ATP5MG: variants seen among roughly 807,000 people sequenced by gnomAD.
The protein encoded by ATP5MG is ATP synthase membrane subunit g.
A neutral mutation model predicts 12.7 loss-of-function variants in ATP5MG; 7 were observed. That is an observed-to-expected ratio of 0.55 (90% CI 0.31 to 1.04). ATP5MG has a LOEUF of 1.04. Among genes scored for constraint, ATP5MG ranks in the 50% least tolerant of loss-of-function variants. The pLI, the probability that ATP5MG is intolerant of heterozygous loss-of-function variation, is 0.05. For synonymous variants in ATP5MG, 53 were observed against 48.2 expected, an observed-to-expected ratio of 1.10 and a Z score of -0.41; for missense variants, 116 against 126.7, an observed-to-expected ratio of 0.92 and a Z score of 0.41.
chr11:118,401,759 C>T, intron 1 of ATP5MG, 42 bp downstream of exon 1: 1 of 1,602,496 alleles, frequency 6.2e-7, no homozygotes, highest in South Asian at 1.1e-5. Context: ...ACACGGGCGG[C>T]AGGGAGGCCT....
rs782433942 is a variant in ATP5MG, at chr11:118,409,104, A to G, written c.*6A>G. The G allele has an allele frequency of 6.3e-6, 10 of 1,575,260 alleles. No individual in the cohort carries two copies. The highest frequency in any genetic ancestry group is 8.7e-7 in the Non-Finnish European group (1 of 1,153,668). On this transcript the variant is annotated 3_prime_UTR_variant, in exon 3 of 3. Transcript: ENST00000300688. ...TCATTGGCTATGATGTTTGAAGACC[A>G]ATCTTTAACATCTGATTATATTTGA...
rs782644885 is a variant in ATP5MG, at chr11:118,406,907, T to C, written c.53-30T>C. The C allele has an allele frequency of 6.4e-6, 10 of 1,562,114 alleles. No individual in the cohort carries two copies. The Admixed American group carries it at 1.7e-4, about 27-fold the overall frequency. On this transcript the variant is annotated intron_variant, in intron 1 of 2. Transcript: ENST00000300688. The stretch of plus-strand genomic sequence containing the variant: ...TCGGTCTCTAGTGAGTTCATCCTGG[T>C]TTTTTGTTTTGTTTTGTTTTGTTTT...
At chr11:118,402,782 C>G (rs1377647410) in intron 1 of ATP5MG, among the ~76,000 whole-genome samples, 1 of 151,024 alleles carries the variant, frequency 6.6e-6, no homozygotes. Context: ...TCACTGCAGC[C>G]TCCACCTCCT....
chr11:118,408,406 A>G (rs1948990657), intron 2 of ATP5MG, among the ~76,000 whole-genome samples: 1 of 152,222 alleles, frequency 6.6e-6, no homozygotes, highest in African/African-American at 2.4e-5. Context: ...TAGAATTTCA[A>G]GATCCATATT....
rs1382205795 is a variant in ATP5MG, at chr11:118,408,981, T to C, written c.214-19T>C. On this transcript the variant is annotated intron_variant, in intron 2 of 2. Transcript: ENST00000300688. ...TATATATATAAAAGGTACCTTAAAA[T>C]GTATGCTTCTTTTTTCAGGAAGCTG... 1 of 1,411,614 alleles carries C rather than the reference T, an allele frequency of 7.1e-7. No individual in the cohort carries two copies. Among genetic ancestry groups the C allele is most frequent in the Non-Finnish European group, 9.7e-7 (1 of 1,027,230 alleles). The allele number at this position is 1,411,614 out of a possible 1,614,324, so 87.4% of individuals were successfully genotyped here. A position where few individuals can be genotyped will look rare whatever the true frequency, so the allele number is the denominator to read the frequency against.
chr11:118,409,378 TGGA>T lies in ATP5MG; in HGVS notation c.*281_*283del. 1.1e-5 allele frequency: 2 copies of T among 175,600 alleles called. No homozygotes were observed. The allele number at this position is 175,600 out of a possible 1,614,324, so 10.9% of individuals were successfully genotyped here. ...GGGATAACATTTTAATTTGAAGGTT[TGGA>T]ATATATATATTTAAGCTTTATTTCC... On this transcript the variant is annotated 3_prime_UTR_variant, in exon 3 of 3. Transcript: ENST00000300688.
At position 118,405,681 on chromosome 11, in the gene ATP5MG, A is replaced by C. The variant is rs531498442; in HGVS notation, c.53-1256A>C. The C allele has an allele frequency of 3.0e-6, 3 of 985,218 alleles. No homozygotes were observed. In the East Asian group the frequency reaches 3.4e-4, roughly 112 times the overall value. 61.0% of individuals were successfully genotyped at this position (985,218 alleles called of 1,614,324 possible). On this transcript the variant is annotated intron_variant, in intron 1 of 2. Coordinates refer to ENST00000300688, the MANE Select transcript of ATP5MG (RefSeq NM_006476.5). ...GGCATTGGCAGTTCTGTTTGGAACT[A>C]TCTCTTAGAGCTTTGTGTCTGCTTA... is the stretch of plus-strand genomic sequence containing the variant.
intron 2 of ATP5MG, 86 bp from the exon 3 acceptor site, chr11:118,408,914 G>A: frequency 2.5e-6 from 1 of 404,360 alleles, no homozygotes; most frequent in African/African-American, 2.2e-5. Context: ...CTTAATTCTG[G>A]AAAAGAATAG....
intron 1 of ATP5MG, among the ~76,000 whole-genome samples, chr11:118,403,761 C>T (rs1948949827): frequency 6.7e-6 from 1 of 149,004 alleles, no homozygotes; most frequent in African/African-American, 2.5e-5. Flanking sequence ...CCACTGCACT[C>T]CAGCCTGGCG....
At chr11:118,407,356 T>G in intron 2 of ATP5MG, 1 of 450,888 alleles carries the variant, frequency 2.2e-6, no homozygotes, top group Non-Finnish European at 3.9e-6. Flanking sequence ...TGGGAAATTT[T>G]TTTTCCTTTC....
chr11:118,406,902 C>T (rs558056726), intron 1 of ATP5MG, 35 bp from the exon 2 acceptor site: 1 of 1,557,310 alleles, frequency 6.4e-7, no homozygotes, highest in African/African-American at 1.4e-5. Context: ...GTGAGTTCAT[C>T]CTGGTTTTTT....
intron 1 of ATP5MG, chr11:118,404,016 G>A (rs1948952520): frequency 1.3e-5 from 2 of 152,152 alleles, no homozygotes; most frequent in South Asian, 2.1e-4. Context: ...TATATAATAT[G>A]AACCCTTCCC....
chr11:118,402,696 C>CTTTTTTTTTTTTTTTT (rs782335353), intron 1 of ATP5MG, among the ~76,000 whole-genome samples: 3 of 128,220 alleles, frequency 2.3e-5, no homozygotes, highest in Non-Finnish European at 4.9e-5. Context: ...TTCTTTCTTT[C>CTTTTTTTTTTTTTTTT]TTTTTTTTTT....
intron 2 of ATP5MG, chr11:118,407,377 T>C (rs1948982142): frequency 5.8e-6 from 2 of 346,368 alleles, no homozygotes; most frequent in Non-Finnish European, 1.1e-5. Context: ...CTATATTAGA[T>C]AGTATACTAA....
At chr11:118,401,851 G>A (rs1419316168) in intron 1 of ATP5MG, 134 bp downstream of exon 1, 2 of 1,073,840 alleles carry the variant, frequency 1.9e-6, no homozygotes, top group African/African-American at 3.2e-5. Flanking sequence ...GCAGGTGGAG[G>A]GAGCAGGAAG....
rs556051034 is a variant in ATP5MG at position 118,405,791 on chromosome 11, A to G, written c.53-1146A>G. On this transcript the variant is annotated intron_variant, in intron 1 of 2. Coordinates refer to ENST00000300688, the MANE Select transcript of ATP5MG (RefSeq NM_006476.5). Reference sequence around the variant, plus strand: ...AAATGGAGGCCGTTAATATGAGGAAAACACCAAGAGCCTTGGGTAATCTGT... The same window carrying G: ...AAATGGAGGCCGTTAATATGAGGAAGACACCAAGAGCCTTGGGTAATCTGT... 8.3e-5 allele frequency: 67 copies of G among 802,438 alleles called. 2 individuals carry two copies. In the South Asian group the frequency reaches 3.4e-3, roughly 41 times the overall value. The allele number at this position is 802,438 out of a possible 1,614,324, so 49.7% of individuals were successfully genotyped here.
intron 1 of ATP5MG, chr11:118,401,995 C>A (rs1948931684): frequency 2.3e-6 from 1 of 431,358 alleles, no homozygotes; most frequent in Non-Finnish European, 4.2e-6. Flanking sequence ...CGTTGCCCGG[C>A]AGCTGCAACC....
chr11:118,405,813 C>A, intron 1 of ATP5MG: 1 of 624,464 alleles, frequency 1.6e-6, no homozygotes, highest in Non-Finnish European at 2.0e-6. Context: ...CTTGGGTAAT[C>A]TGTCTTTGAA....
rs1190888044 is a variant in ATP5MG at position 118,409,716 on chromosome 11, T to C, written c.*618T>C. On this transcript the variant is annotated 3_prime_UTR_variant, in exon 3 of 3. Coordinates refer to ENST00000300688, the MANE Select transcript of ATP5MG (RefSeq NM_006476.5). ...TGAAATCTGATTTTTATGTGTGTTA[T>C]TCGTTTGTCTGGTTTTACTACCTTT... 2.6e-5 allele frequency: 4 copies of C among 152,344 alleles called. No homozygotes were observed. The highest frequency in any genetic ancestry group is 1.9e-4 in the East Asian group (1 of 5,190). The allele number at this position is 152,344 out of a possible 1,614,324, so 9.4% of individuals were successfully genotyped here. A position where few individuals can be genotyped will look rare whatever the true frequency, so the allele number is the denominator to read the frequency against.
Sources: allele counts gnomAD v4.1 joint callset (sites outside exome capture counted in the v4.1 genomes callset), GRCh38; gene constraint gnomAD v4.1.1; transcripts MANE v1.5; gene names NCBI Gene and HGNC (gene_info 2026-07-23, HGNC 2026-07-21).